Variants in PBX1 observed in about 807,000 individuals in gnomAD.
PBX1 encodes PBX homeobox 1.
Under a neutral mutation model 53.4 loss-of-function variants are expected in PBX1, and 6 were observed. The observed-to-expected ratio is 0.11, with a 90% CI of 0.06 to 0.22. The LOEUF is 0.22. Among genes scored for constraint, PBX1 ranks in the 10% least tolerant of loss-of-function variants. The probability of loss-of-function intolerance (pLI) is 1.00; values close to 1 mark genes in which losing one functional copy is unlikely to be tolerated. For missense variants in PBX1, 251 were observed against 551.4 expected, an observed-to-expected ratio of 0.46 and a Z score of 5.46; for synonymous variants, 204 against 212.3, an observed-to-expected ratio of 0.96 and a Z score of 0.34.
chr1:164,603,928 CATTTTT>C lies in PBX1; in HGVS notation c.265+40618_265+40623del, dbSNP rs1436456573. On this transcript the variant is annotated intron_variant, in intron 2 of 8. Transcript: ENST00000420696. ...AGACACTCTGTACATTATGTCATTT[CATTTTT>C]TTTTTTTTTTTTTTTTTTTTTTTTT... 8.1e-3 allele frequency among the ~76,000 whole-genome samples: 393 copies of C among 48,742 alleles called. 8 individuals carry two copies. The highest frequency in any genetic ancestry group is 0.033 in the African/African-American group (366 of 11,172). 32.0% of individuals were successfully genotyped at this position (48,742 alleles called of 152,430 possible).
At position 164,807,660 on chromosome 1, in the gene PBX1, G is replaced by A. The variant is rs1669421030; in HGVS notation, c.820G>A (p.Gly274Ser). The A allele has an allele frequency of 6.2e-7, 1 of 1,613,918 alleles. No individual in the cohort carries two copies. Among genetic ancestry groups the A allele is most frequent in the Non-Finnish European group, 8.5e-7 (1 of 1,179,910 alleles). The change falls in exon 5 of 9, where the codon GGC (glycine) becomes AGC (serine). Residue 274 changes from glycine (G) to serine (S), a missense_variant. Physicochemically the swap from Gly to Ser is moderately conservative, Grantham distance 56. Coordinates refer to ENST00000420696, the MANE Select transcript of PBX1 (RefSeq NM_002585.4). ...CAAAGAGGAGTTAGCCAAGAAGTGT[G>A]GCATCACAGTCTCCCAGGTAAGCAG... is the stretch of plus-strand genomic sequence containing the variant. ...EAKEELAKKCGITVSQVSNWF... is the reference protein window; with the variant it reads ...EAKEELAKKCSITVSQVSNWF...
chr1:164,825,396 C>T (rs866308323), intron 8 of PBX1, among the ~76,000 whole-genome samples: 13 of 152,216 alleles, frequency 8.5e-5, no homozygotes, highest in Middle Eastern at 3.4e-3. Flanking sequence ...GTGTATGGTC[C>T]TAAAAATGCA....
chr1:164,695,629 T>C (rs755719622), intron 2 of PBX1, among the ~76,000 whole-genome samples: 9 of 152,252 alleles, frequency 5.9e-5, no homozygotes, highest in Non-Finnish European at 1.2e-4. Flanking sequence ...ATGGTGTTTT[T>C]AGCATGTTCG....
chr1:164,843,561 A>G (rs552831295), intron 8 of PBX1, among the ~76,000 whole-genome samples: 118 of 152,138 alleles, frequency 7.8e-4, no homozygotes, highest in African/African-American at 2.6e-3. Context: ...GGGGAGTGGA[A>G]AAAAGGGGAG....
In PBX1 at chr1:164,849,150, G is replaced by T. The variant is rs185832619; in HGVS notation, c.*2474G>T. 2.2e-6 allele frequency: 3 copies of T among 1,388,462 alleles called. No individual in the cohort carries two copies. Among genetic ancestry groups the T allele is most frequent in the Non-Finnish European group, 2.8e-6 (3 of 1,071,618 alleles). 86.0% of individuals were successfully genotyped at this position (1,388,462 alleles called of 1,614,324 possible). On this transcript the variant is annotated 3_prime_UTR_variant, in exon 9 of 9. Transcript: ENST00000420696. ...GCAAAGTACGAAAGAGAGACAAAAG[G>T]GTTCTCTTGGAAACAAGAAGAGTGA...
At position 164,778,364 on chromosome 1, in the gene PBX1, C is replaced by A. The variant is rs534864789; in HGVS notation, c.266-14130C>A. Among the ~76,000 whole-genome samples, 6 of 152,246 alleles carry A rather than the reference C, an allele frequency of 3.9e-5. No homozygotes were observed. The South Asian group carries it at 8.3e-4, about 21-fold the overall frequency. On this transcript the variant is annotated intron_variant, in intron 2 of 8. Coordinates refer to ENST00000420696, the MANE Select transcript of PBX1 (RefSeq NM_002585.4). The stretch of plus-strand genomic sequence containing the variant: ...TTGGTTTGCTTTAAGACATAATAGA[C>A]CAGGTGCAGTGGCTCACACCTGTAA...
intron 2 of PBX1, among the ~76,000 whole-genome samples, chr1:164,722,009 T>C (rs528985250): frequency 1.4e-4 from 21 of 152,234 alleles, no homozygotes; most frequent in South Asian, 2.1e-4. Flanking sequence ...CTATCCTATA[T>C]ACTACTAACA....
At chr1:164,718,486 A>G (rs1453561233) in intron 2 of PBX1, among the ~76,000 whole-genome samples, 2 of 152,222 alleles carry the variant, frequency 1.3e-5, no homozygotes, top group African/African-American at 4.8e-5. Context: ...CTCATGAGGA[A>G]TACCTGACAA....
intron 2 of PBX1, among the ~76,000 whole-genome samples, chr1:164,665,641 G>C (rs1326359926): frequency 6.6e-6 from 1 of 152,098 alleles, no homozygotes; most frequent in Non-Finnish European, 1.5e-5. Flanking sequence ...AGAATGTCTG[G>C]AGGGCCTGGC....
At chr1:164,661,219 T>G (rs1484016177) in intron 2 of PBX1, among the ~76,000 whole-genome samples, 1 of 152,196 alleles carries the variant, frequency 6.6e-6, no homozygotes, top group Non-Finnish European at 1.5e-5. Flanking sequence ...GCATCTATAG[T>G]AATGGTGGGG....
intron 2 of PBX1, among the ~76,000 whole-genome samples, chr1:164,688,999 C>T (rs1440420334): frequency 1.3e-5 from 2 of 152,226 alleles, no homozygotes; most frequent in African/African-American, 4.8e-5. Context: ...GTCGCGCCTC[C>T]CCTTGGTGCC....
chr1:164,883,081 T>C (rs1672699237), intron 2 of PBX1, among the ~76,000 whole-genome samples: 1 of 152,102 alleles, frequency 6.6e-6, no homozygotes, highest in African/African-American at 2.4e-5. Flanking sequence ...GCTCTTTAGG[T>C]GAAAATAAAA....
rs1363568611 is a variant in PBX1, at chr1:164,655,518, T to C, written c.265+92207T>C. ...TCCAATGTTGAGTACAACATTGAGATACATGGCTGTTGGGACCACTCTTAA... is the reference window on the plus strand; with the variant it reads ...TCCAATGTTGAGTACAACATTGAGACACATGGCTGTTGGGACCACTCTTAA... On this transcript the variant is annotated intron_variant, in intron 2 of 8. Coordinates refer to ENST00000420696, the MANE Select transcript of PBX1 (RefSeq NM_002585.4). Among the ~76,000 whole-genome samples, 3 of 152,210 alleles carry C rather than the reference T, an allele frequency of 2.0e-5. No individual in the cohort carries two copies. In the East Asian group the frequency reaches 5.8e-4, roughly 29 times the overall value.
intron 2 of PBX1, among the ~76,000 whole-genome samples, chr1:164,689,297 T>A (rs1348570536): frequency 6.6e-6 from 1 of 152,230 alleles, no homozygotes; most frequent in Non-Finnish European, 1.5e-5. Context: ...TGGAAGGTTT[T>A]TTTTTCTTTT....
intron 2 of PBX1, among the ~76,000 whole-genome samples, chr1:164,864,207 C>A (rs966652686): frequency 2.6e-5 from 4 of 152,016 alleles, no homozygotes; most frequent in African/African-American, 7.2e-5. Context: ...AGTTTAGAAT[C>A]CATACTTTCT....
chr1:164,676,705 C>G (rs1571202009), intron 2 of PBX1, among the ~76,000 whole-genome samples: 2 of 152,302 alleles, frequency 1.3e-5, no homozygotes, highest in African/African-American at 4.8e-5. Flanking sequence ...GACATTGAAA[C>G]TATTTAACTG....
At chr1:164,734,120 GT>G (rs1665144825) in intron 2 of PBX1, among the ~76,000 whole-genome samples, 1 of 152,194 alleles carries the variant, frequency 6.6e-6, no homozygotes. Flanking sequence ...TTGAATGCAT[GT>G]GATTTCAGTG....
At position 164,686,045 on chromosome 1, in the gene PBX1, T is replaced by C. The variant is rs1023320763; in HGVS notation, c.266-106449T>C. On this transcript the variant is annotated intron_variant, in intron 2 of 8. Transcript: ENST00000420696. ...CTTCAGATATTTACTATTGATGACA[T>C]TGGCAATCAATGCTGCTGAATTTCT... Among the ~76,000 whole-genome samples the C allele has an allele frequency of 2.7e-4, 41 of 152,320 alleles. 1 individual carries two copies. Among genetic ancestry groups the C allele is most frequent in the African/African-American group, 9.4e-4 (39 of 41,560 alleles).
intron 6 of PBX1, chr1:164,814,981 T>G (rs1312471688): frequency 1.3e-5 from 2 of 152,016 alleles, no homozygotes; most frequent in Non-Finnish European, 2.9e-5. Context: ...GCTTCATAGT[T>G]TATACCAGCA....
Sources: gnomAD v4.1 joint callset for allele counts (sites outside exome capture counted in the v4.1 genomes callset) on GRCh38, gnomAD v4.1.1 for gene constraint, MANE v1.5 for transcripts, NCBI Gene and HGNC (gene_info 2026-07-23, HGNC 2026-07-21) for gene names.